Variants in ADCY1 observed in about 807,000 individuals in gnomAD.
The protein encoded by ADCY1 is adenylate cyclase type 1.
A neutral mutation model predicts 105.4 loss-of-function variants in ADCY1; 28 were observed. The ratio of observed to expected loss-of-function variants is 0.27; its 90% CI spans 0.20 to 0.36. The LOEUF (loss-of-function observed/expected upper bound fraction) is 0.36. Ranked by LOEUF, ADCY1 falls within the 10% of genes least tolerant of loss-of-function variation. ADCY1 has a pLI of 1.00. For synonymous variants in ADCY1, 655 were observed against 623.8 expected (o/e 1.05, Z -0.75); for missense variants, 977 against 1,434.2 (o/e 0.68, Z 5.15).
At chr7:45,659,316 G>A (rs557476915) in intron 6 of ADCY1, among the ~76,000 whole-genome samples, 4 of 152,322 alleles carry the variant, frequency 2.6e-5, no homozygotes, top group South Asian at 4.1e-4. Flanking sequence ...TTTCCCCTGC[G>A]AGGAGTTCAG....
In ADCY1 at chr7:45,622,612, G is replaced by A; in HGVS notation, c.909-20G>A. 1 of 1,592,954 alleles carries A rather than the reference G, an allele frequency of 6.3e-7. No individual in the cohort carries two copies. Among genetic ancestry groups the A allele is most frequent in the Non-Finnish European group, 8.6e-7 (1 of 1,161,214 alleles). ...TGAGTGACTGGGAGAAGGGCAGCCT[G>A]GCACCCCTTTCTCTTGCAGCATCCT... On this transcript the variant is annotated intron_variant, in intron 3 of 19. Coordinates refer to ENST00000297323, the MANE Select transcript of ADCY1 (RefSeq NM_021116.4).
chr7:45,668,160 A>G lies in ADCY1; in HGVS notation c.1605+5946A>G, dbSNP rs555549344. On this transcript the variant is annotated intron_variant, in intron 8 of 19. Coordinates refer to ENST00000297323, the MANE Select transcript of ADCY1 (RefSeq NM_021116.4). ...GATTGCCCTGGCCAGAACTTCCAAC[A>G]CTATGTTGAATAGGAGTGGTGAGAG... Among the ~76,000 whole-genome samples the G allele has an allele frequency of 5.0e-3, 755 of 152,292 alleles. 5 individuals carry two copies. Among genetic ancestry groups the G allele is most frequent in the African/African-American group, 0.017 (719 of 41,552 alleles).
intron 1 of ADCY1, among the ~76,000 whole-genome samples, chr7:45,578,132 CTG>C (rs1357449892): frequency 1.3e-5 from 2 of 152,172 alleles, no homozygotes; most frequent in Non-Finnish European, 2.9e-5. Context: ...CCCCAGGACT[CTG>C]GGGGGCAGAG....
intron 3 of ADCY1, among the ~76,000 whole-genome samples, chr7:45,619,247 A>G (rs1166648557): frequency 2.0e-5 from 3 of 152,178 alleles, no homozygotes; most frequent in Non-Finnish European, 4.4e-5. Flanking sequence ...AGATTGGTTA[A>G]TGAGTACAAA....
intron 17 of ADCY1, among the ~76,000 whole-genome samples, chr7:45,705,360 A>C (rs1785094830): frequency 6.6e-6 from 1 of 152,272 alleles, no homozygotes; most frequent in South Asian, 2.1e-4. Context: ...ATGAATGGAA[A>C]GAATTATATA....
At chr7:45,704,388 C>T (rs1471612766) in intron 16 of ADCY1, 130 bp from the exon 17 acceptor site, 9 of 740,204 alleles carry the variant, frequency 1.2e-5, no homozygotes, top group Non-Finnish European at 1.8e-5. Context: ...CTTGTCTGCC[C>T]AAAGCAAAGA....
intron 14 of ADCY1, among the ~76,000 whole-genome samples, chr7:45,687,561 T>G (rs1383496052): frequency 1.3e-5 from 2 of 152,204 alleles, no homozygotes; most frequent in African/African-American, 4.8e-5. Context: ...TTGCTCCTCC[T>G]AGGTTTCCTC....
intron 18 of ADCY1, among the ~76,000 whole-genome samples, chr7:45,709,113 T>C (rs1785177429): frequency 6.6e-6 from 1 of 152,220 alleles, no homozygotes; most frequent in Non-Finnish European, 1.5e-5. Flanking sequence ...AAACAAAACT[T>C]GGAGCTGCTT....
rs1794681672 is a variant in ADCY1 at position 45,647,057 on chromosome 7, G to C, written c.1021-1613G>C. ...TCAGTGGTGGAAGGAGCTGGGCAGAGAGCCAACTGTATGCCCAACAGCGCC... is the reference window on the plus strand; with the variant it reads ...TCAGTGGTGGAAGGAGCTGGGCAGACAGCCAACTGTATGCCCAACAGCGCC... On this transcript the variant is annotated intron_variant, in intron 4 of 19. Transcript: ENST00000297323. This position sits in a 1 kb window ranked among gnomAD's most constrained non-coding sequence, Gnocchi z 4.6. 6.6e-6 allele frequency among the ~76,000 whole-genome samples: 1 copy of C among 152,252 alleles called. No individual in the cohort carries two copies. Among genetic ancestry groups the C allele is most frequent in the Admixed American group, 6.5e-5 (1 of 15,294 alleles).
Position 45,723,093 on chromosome 7 carries a change from A to AT in ADCY1, c.*9098_*9099insT, listed in dbSNP as rs1785507729. ...TCTGGAATCTTATTTAACAAAAATA[A>AT]AGGGAAAAAATTGCTTGACTAAACT... is the stretch of plus-strand genomic sequence containing the variant. On this transcript the variant is annotated 3_prime_UTR_variant, in exon 20 of 20. Coordinates refer to ENST00000297323, the MANE Select transcript of ADCY1 (RefSeq NM_021116.4). 6.6e-6 allele frequency: 1 copy of AT among 152,574 alleles called. No homozygotes were observed. Among genetic ancestry groups the AT allele is most frequent in the Non-Finnish European group, 1.5e-5 (1 of 68,004 alleles). The allele number at this position is 152,574 out of a possible 1,614,324, so 9.5% of individuals were successfully genotyped here. A position where few individuals can be genotyped will look rare whatever the true frequency, so the allele number is the denominator to read the frequency against.
intron 2 of ADCY1, among the ~76,000 whole-genome samples, chr7:45,609,297 C>T (rs1032982138): frequency 6.6e-6 from 1 of 152,168 alleles, no homozygotes; most frequent in Non-Finnish European, 1.5e-5. Flanking sequence ...GCAGGAGGGA[C>T]TCCCAGGGCT....
upstream of ADCY1, chr7:45,574,299 C>A: frequency 4.0e-6 from 1 of 250,678 alleles, no homozygotes; most frequent in Non-Finnish European, 6.2e-6. The surrounding 1 kb of genome is among the most constrained non-coding windows in gnomAD (Gnocchi z 7.0). Flanking sequence ...TGTCGCAGCG[C>A]GGTCGCCGCC....
At chr7:45,592,708 T>C (rs542754843) in intron 1 of ADCY1, 51 bp from the exon 2 acceptor site, 10 of 1,610,772 alleles carry the variant, frequency 6.2e-6, no homozygotes, top group Non-Finnish European at 8.5e-6. Context: ...AGGCCCTCTT[T>C]GTGTGTGTGG....
At chr7:45,579,227 C>T (rs561759734) in intron 1 of ADCY1, among the ~76,000 whole-genome samples, 1 of 152,250 alleles carries the variant, frequency 6.6e-6, no homozygotes, top group East Asian at 1.9e-4. Context: ...ATCTGCCAGC[C>T]CTCAGGCTGT....
intron 8 of ADCY1, among the ~76,000 whole-genome samples, chr7:45,667,189 A>G (rs1784279055): frequency 6.6e-6 from 1 of 152,204 alleles, no homozygotes; most frequent in African/African-American, 2.4e-5. Context: ...TGTTTTAGAC[A>G]TGAAGTCCTT....
intron 8 of ADCY1, among the ~76,000 whole-genome samples, chr7:45,669,798 G>A (rs1784330058): frequency 6.6e-6 from 1 of 152,144 alleles, no homozygotes; most frequent in Non-Finnish European, 1.5e-5. Context: ...TTTTGAAACT[G>A]ATTGCCATAA....
chr7:45,610,859 T>TAGAGGTGG (rs1793549416), intron 3 of ADCY1, among the ~76,000 whole-genome samples: 1 of 4,960 alleles, frequency 2.0e-4, no homozygotes, highest in African/African-American at 8.3e-4. Context: ...ATTGGAGTTG[T>TAGAGGTGG]GGAGATGATG....
chr7:45,582,078 A>C (rs975887688), intron 1 of ADCY1, among the ~76,000 whole-genome samples: 1 of 151,942 alleles, frequency 6.6e-6, no homozygotes, highest in African/African-American at 2.4e-5. Flanking sequence ...GTACACTCAC[A>C]AATACATGCA....
In ADCY1 at chr7:45,592,881, G is replaced by A. The variant is rs775634236; in HGVS notation, c.762G>A (p.Leu254=). The change falls in exon 2 of 20, where the codon CTG becomes CTA. Residue 254 remains leucine, a synonymous_variant. Coordinates refer to ENST00000297323, the MANE Select transcript of ADCY1 (RefSeq NM_021116.4). ...LQARSCIEDR[L]RLEDENEKQE... ...CCCGGAGCTGCATTGAGGACCGACT[G>A]AGGCTGGAGGATGAGAACGAGAAGC... The A allele has an allele frequency of 1.9e-6, 3 of 1,614,244 alleles. No individual in the cohort carries two copies. Among genetic ancestry groups the A allele is most frequent in the Non-Finnish European group, 2.5e-6 (3 of 1,180,054 alleles).
Sources: gnomAD v4.1 joint callset for allele counts (sites outside exome capture counted in the v4.1 genomes callset) on GRCh38, gnomAD v4.1.1 for gene constraint, Gnocchi (gnomAD v3.1) non-coding constraint, MANE v1.5 for transcripts, NCBI Gene and HGNC (gene_info 2026-07-23, HGNC 2026-07-21) for gene names.